GPR149: variants seen among roughly 807,000 people sequenced by gnomAD.
GPR149 encodes the protein G protein-coupled receptor 149.
Under a neutral mutation model 50.2 loss-of-function variants are expected in GPR149, and 50 were observed. The ratio of observed to expected loss-of-function variants is 1.00; its 90% CI spans 0.79 to 1.26. GPR149 has a LOEUF of 1.26. GPR149 is among the 50% of genes most tolerant of loss of function. The pLI is 0.00. For synonymous variants in GPR149, 405 were observed against 358.2 expected (o/e 1.13, Z -1.48); for missense variants, 983 against 895.4 (o/e 1.10, Z -1.25).
chr3:154,374,783 A>G (rs1714754081), intron 3 of GPR149, among the ~76,000 whole-genome samples: 1 of 152,234 alleles, frequency 6.6e-6, no homozygotes, highest in Non-Finnish European at 1.5e-5. Flanking sequence ...CTTTTCTGAT[A>G]CCATCATTAG....
intron 3 of GPR149, among the ~76,000 whole-genome samples, chr3:154,380,075 T>C (rs1393693563): frequency 6.6e-6 from 1 of 152,046 alleles, no homozygotes; most frequent in African/African-American, 2.4e-5. Flanking sequence ...AGTGAATATA[T>C]ATATATTTTG....
rs559134682 is a variant in GPR149 at position 154,391,062 on chromosome 3, A to G, written c.1623+29977T>C. Among the ~76,000 whole-genome samples the G allele has an allele frequency of 1.3e-5, 2 of 152,250 alleles. 1 individual carries two copies. Among genetic ancestry groups the G allele is most frequent in the African/African-American group, 4.8e-5 (2 of 41,562 alleles). Reference sequence around the variant, plus strand: ...CCAGACCTGCCTAACAAGAAATGCTAAAGGAAGTTCTTCAAGTTGAAACAA... The same window carrying G: ...CCAGACCTGCCTAACAAGAAATGCTGAAGGAAGTTCTTCAAGTTGAAACAA... On this transcript the variant is annotated intron_variant, in intron 3 of 3. Transcript: ENST00000389740.
At chr3:154,416,140 A>G (rs888080618) in intron 3 of GPR149, among the ~76,000 whole-genome samples, 1 of 151,902 alleles carries the variant, frequency 6.6e-6, no homozygotes, top group African/African-American at 2.4e-5. Flanking sequence ...GTTTTTAGGA[A>G]GAGGAAAAAG....
chr3:154,421,425 C>A lies in GPR149; in HGVS notation c.1237G>T (p.Ala413Ser). 1 of 1,605,572 alleles carries A rather than the reference C, an allele frequency of 6.2e-7. No individual in the cohort carries two copies. Among genetic ancestry groups the A allele is most frequent in the Non-Finnish European group, 8.5e-7 (1 of 1,176,032 alleles). Residue 413 changes from alanine (A) to serine (S), a missense_variant, in exon 3 of 4, where the codon GCA (alanine) becomes TCA (serine). By Grantham distance (99) the Ala-to-Ser change is moderately conservative (BLOSUM62 1). Coordinates refer to ENST00000389740, the MANE Select transcript of GPR149 (RefSeq NM_001038705.3). The part of the protein sequence containing the change: ...FQKSYGIYKI[A>S]HEDYYDDDEN... ...TCATCATCATAGTAATCTTCATGTG[C>A]TATTTTATAAATCCCATAACTTTTT...
chr3:154,411,163 C>G (rs1711822043), intron 3 of GPR149, among the ~76,000 whole-genome samples: 1 of 151,894 alleles, frequency 6.6e-6, no homozygotes, highest in African/African-American at 2.4e-5. Flanking sequence ...GTGACAAAAC[C>G]TATCAAAACC....
At chr3:154,350,190 T>A (rs980659997) in intron 3 of GPR149, among the ~76,000 whole-genome samples, 8 of 151,962 alleles carry the variant, frequency 5.3e-5, no homozygotes, top group African/African-American at 1.9e-4. Flanking sequence ...AGTGAAACCC[T>A]GTCTCAAAAA....
At chr3:154,347,646 A>G (rs1713967796) in intron 3 of GPR149, among the ~76,000 whole-genome samples, 1 of 152,258 alleles carries the variant, frequency 6.6e-6, no homozygotes, top group South Asian at 2.1e-4. Context: ...TTTACAGACA[A>G]ACAAATTTAT....
intron 3 of GPR149, among the ~76,000 whole-genome samples, chr3:154,419,343 T>C (rs950843554): frequency 3.9e-5 from 6 of 152,092 alleles, no homozygotes; most frequent in Admixed American, 2.0e-4. Flanking sequence ...TTTCTAGTTA[T>C]AGTTATTTGA....
At chr3:154,344,141 T>C (rs1713869390) in intron 3 of GPR149, among the ~76,000 whole-genome samples, 1 of 152,232 alleles carries the variant, frequency 6.6e-6, no homozygotes, top group Non-Finnish European at 1.5e-5. Context: ...CCACTGTCTG[T>C]AATAAGTCAG....
chr3:154,385,704 CTTTTT>C (rs5853692), intron 3 of GPR149, among the ~76,000 whole-genome samples: 1 of 136,150 alleles, frequency 7.3e-6, no homozygotes, highest in Non-Finnish European at 1.6e-5. Context: ...TTCTTTCTTT[CTTTTT>C]TTTTTTTTTT....
intron 3 of GPR149, among the ~76,000 whole-genome samples, chr3:154,338,810 G>A (rs938539909): frequency 6.6e-6 from 1 of 152,070 alleles, no homozygotes; most frequent in African/African-American, 2.4e-5. Context: ...GGAACCGAAT[G>A]TCACCAGAAC....
At chr3:154,384,189 A>T (rs916401562) in intron 3 of GPR149, among the ~76,000 whole-genome samples, 2 of 152,186 alleles carry the variant, frequency 1.3e-5, no homozygotes, top group Non-Finnish European at 2.9e-5. Flanking sequence ...AAGATTAAAA[A>T]GCCCCAGGCG....
At chr3:154,350,600 A>G (rs1339093091) in intron 3 of GPR149, among the ~76,000 whole-genome samples, 1 of 152,210 alleles carries the variant, frequency 6.6e-6, no homozygotes, top group Non-Finnish European at 1.5e-5. Flanking sequence ...CAGTAAAGAT[A>G]TCAATTCTGT....
At chr3:154,372,570 T>G (rs1027704701) in intron 3 of GPR149, among the ~76,000 whole-genome samples, 4 of 152,108 alleles carry the variant, frequency 2.6e-5, no homozygotes, top group African/African-American at 9.7e-5. Context: ...CTGCTATTGT[T>G]GTATTGGGGA....
At chr3:154,387,975 G>C (rs1024769348) in intron 3 of GPR149, among the ~76,000 whole-genome samples, 3 of 152,074 alleles carry the variant, frequency 2.0e-5, no homozygotes, top group Non-Finnish European at 2.9e-5. Context: ...TTTTTTTAAT[G>C]TGTGGGGACA....
At position 154,338,131 on chromosome 3, in the gene GPR149, T is replaced by C. The variant is rs1202173522; in HGVS notation, c.1764A>G (p.Lys588=). The C allele has an allele frequency of 8.7e-6, 14 of 1,614,160 alleles. No individual in the cohort carries two copies. In the East Asian group the frequency reaches 3.1e-4, roughly 36 times the overall value. ...EGQKITPASK[K]IEVYRSKSVG... ...CACTTTTGGATCGATAGACTTCTAT[T>C]TTCTTAGAGGCTGGAGTTATTTTTT... The change falls in exon 4 of 4, where the codon AAA becomes AAG. Residue 588 remains lysine, a synonymous_variant. Transcript: ENST00000389740.
At chr3:154,382,871 T>C (rs950739467) in intron 3 of GPR149, among the ~76,000 whole-genome samples, 3 of 152,196 alleles carry the variant, frequency 2.0e-5, no homozygotes, top group Non-Finnish European at 4.4e-5. Flanking sequence ...TTACATTCAG[T>C]GAATTAGTCA....
Position 154,337,916 on chromosome 3 carries a change from C to T in GPR149, c.1979G>A (p.Arg660Lys). 6.2e-7 allele frequency: 1 copy of T among 1,612,790 alleles called. No homozygotes were observed. Among genetic ancestry groups the T allele is most frequent in the African/African-American group, 1.3e-5 (1 of 74,972 alleles). ...PSLRYSRKENRFVSCDLGETA... is the reference protein window; with the variant it reads ...PSLRYSRKENKFVSCDLGETA... ...TTCCCCTAGGTCACATGAAACAAAT[C>T]TGTTTTCTTTCCTGGAGTAACGTAG... Residue 660 changes from arginine to lysine, a missense_variant, in exon 4 of 4, where the codon AGA (arginine) becomes AAA (lysine). Physicochemically the swap from Arg to Lys is conservative, Grantham distance 26. Transcript: ENST00000389740.
chr3:154,407,610 T>G (rs942678636), intron 3 of GPR149, among the ~76,000 whole-genome samples: 11 of 151,852 alleles, frequency 7.2e-5, no homozygotes, highest in African/African-American at 2.7e-4. Flanking sequence ...AAATTATTAA[T>G]ATGGGGTGAT....
Sources: gnomAD v4.1 joint callset for allele counts (sites outside exome capture counted in the v4.1 genomes callset) on GRCh38, gnomAD v4.1.1 for gene constraint, MANE v1.5 for transcripts, NCBI Gene and HGNC (gene_info 2026-07-23, HGNC 2026-07-21) for gene names.